Variants in ENTREP2 observed in about 807,000 individuals in gnomAD.
ENTREP2 encodes protein ENTREP2.
At chr15:29,629,891 T>G in the ENTREP2 span, among the ~76,000 whole-genome samples, 3 of 152,070 alleles carry the variant, frequency 2.0e-5, no homozygotes, top group Admixed American at 2.0e-4. Context: ...CCAAAGCAGG[T>G]GGATCACTTG....
the ENTREP2 span, among the ~76,000 whole-genome samples, chr15:29,219,301 A>G: frequency 6.6e-6 from 1 of 152,038 alleles, no homozygotes; most frequent in Non-Finnish European, 1.5e-5. Flanking sequence ...TAATCAAAAA[A>G]TCAAAAAATC....
chr15:29,444,552 C>T, the ENTREP2 span, among the ~76,000 whole-genome samples: 4 of 151,556 alleles, frequency 2.6e-5, no homozygotes, highest in East Asian at 1.9e-4. Context: ...CTGCAAACTC[C>T]GACTCCCAGG....
chr15:29,263,652 G>GT, the ENTREP2 span, among the ~76,000 whole-genome samples: 1 of 152,228 alleles, frequency 6.6e-6, no homozygotes, highest in Non-Finnish European at 1.5e-5. Flanking sequence ...GCAAATGGCA[G>GT]TATCAGTGTA....
the ENTREP2 span, among the ~76,000 whole-genome samples, chr15:29,188,211 G>A: frequency 6.6e-6 from 1 of 152,010 alleles, no homozygotes; most frequent in Non-Finnish European, 1.5e-5. Flanking sequence ...GGGGCACTAG[G>A]TAATCTTTTT....
At chr15:29,328,520 G>C in the ENTREP2 span, among the ~76,000 whole-genome samples, 1 of 152,152 alleles carries the variant, frequency 6.6e-6, no homozygotes, top group Non-Finnish European at 1.5e-5. Context: ...AAAGGGGTTG[G>C]GGGGAAAAGG....
the ENTREP2 span, among the ~76,000 whole-genome samples, chr15:29,642,101 G>C: frequency 6.6e-6 from 1 of 151,974 alleles, no homozygotes; most frequent in South Asian, 2.1e-4. Context: ...CAAAATCCCA[G>C]CTGACTTATT....
At chr15:29,626,700 A>T in the ENTREP2 span, among the ~76,000 whole-genome samples, 1 of 152,136 alleles carries the variant, frequency 6.6e-6, no homozygotes, top group Non-Finnish European at 1.5e-5. Flanking sequence ...TACTGACTGA[A>T]AACTTGACAG....
the ENTREP2 span, among the ~76,000 whole-genome samples, chr15:29,466,814 G>A: frequency 7.3e-6 from 1 of 137,332 alleles, no homozygotes; most frequent in Non-Finnish European, 1.6e-5. Flanking sequence ...GCCCCCAGGG[G>A]AGGGCCCAGG....
At chr15:29,293,312 A>G in the ENTREP2 span, among the ~76,000 whole-genome samples, 16 of 151,968 alleles carry the variant, frequency 1.1e-4, no homozygotes, top group South Asian at 8.3e-4. Context: ...GTGCAGTGGC[A>G]CAATCTCGGC....
chr15:29,219,662 T>TATATATATA, the ENTREP2 span, among the ~76,000 whole-genome samples: 1 of 115,822 alleles, frequency 8.6e-6, no homozygotes, highest in African/African-American at 3.3e-5. Flanking sequence ...TATATATATA[T>TATATATATA]ATGATGGAAT....
the ENTREP2 span, among the ~76,000 whole-genome samples, chr15:29,282,863 C>T: frequency 6.6e-6 from 1 of 152,162 alleles, no homozygotes; most frequent in Non-Finnish European, 1.5e-5. Flanking sequence ...ATGGTGATGG[C>T]CAGGGGACAG....
the ENTREP2 span, among the ~76,000 whole-genome samples, chr15:29,654,951 G>C: frequency 6.6e-6 from 1 of 152,154 alleles, no homozygotes; most frequent in African/African-American, 2.4e-5. Context: ...TTTGACAAAA[G>C]GAGGGGTACT....
the ENTREP2 span, among the ~76,000 whole-genome samples, chr15:29,562,769 TTGG>T: frequency 1.4e-5 from 2 of 138,808 alleles, no homozygotes; most frequent in African/African-American, 2.6e-5. Flanking sequence ...TTGGTTTTTT[TTGG>T]TGTTTTTGTT....
the ENTREP2 span, among the ~76,000 whole-genome samples, chr15:29,394,273 T>C: frequency 6.6e-6 from 1 of 152,152 alleles, no homozygotes; most frequent in Non-Finnish European, 1.5e-5. Context: ...TCTTTGAAGG[T>C]TGACAAAATG....
chr15:29,659,770 T>C, the ENTREP2 span, among the ~76,000 whole-genome samples: 5 of 152,204 alleles, frequency 3.3e-5, no homozygotes, highest in Admixed American at 6.6e-5. Context: ...TTTATTACCG[T>C]ATGATATTCC....
chr15:29,177,953 G>T, the ENTREP2 span, among the ~76,000 whole-genome samples: 1 of 152,052 alleles, frequency 6.6e-6, no homozygotes, highest in African/African-American at 2.4e-5. Context: ...ACACCCGGGT[G>T]GTGACAAAAT....
the ENTREP2 span, among the ~76,000 whole-genome samples, chr15:29,469,785 T>G: frequency 1.3e-5 from 2 of 151,868 alleles, no homozygotes; most frequent in Admixed American, 1.3e-4. Flanking sequence ...TTAATTTTTT[T>G]TAAAAAGCCT....
the ENTREP2 span, chr15:29,126,489 G>A: frequency 4.1e-5 from 63 of 1,549,892 alleles, no homozygotes; most frequent in Non-Finnish European, 5.5e-5. Context: ...CTGTCAGCTG[G>A]TACTGCAAGA....
At chr15:29,486,222 AAAG>A in the ENTREP2 span, among the ~76,000 whole-genome samples, 1 of 152,210 alleles carries the variant, frequency 6.6e-6, no homozygotes, top group Non-Finnish European at 1.5e-5. Flanking sequence ...CACACTTTAA[AAAG>A]AAGGAAATCC....
Sources: gnomAD v4.1 joint callset for allele counts (sites outside exome capture counted in the v4.1 genomes callset) on GRCh38, gnomAD v4.1.1 for gene constraint, MANE v1.5 for transcripts, NCBI Gene and HGNC (gene_info 2026-07-23, HGNC 2026-07-21) for gene names.